PRSS27: variants seen among roughly 807,000 people sequenced by gnomAD.
PRSS27 encodes channel-activating protease 2.
A neutral mutation model predicts 32.0 loss-of-function variants in PRSS27; 25 were observed. That is an observed-to-expected ratio of 0.78 (90% CI 0.57 to 1.09). The LOEUF (loss-of-function observed/expected upper bound fraction) is 1.09, where lower values mean the gene tolerates loss of function less well. Ranked by LOEUF, PRSS27 falls within the 50% of genes least tolerant of loss-of-function variation. PRSS27 has a pLI of 0.00. For synonymous variants in PRSS27, 178 were observed against 172.2 expected (o/e 1.03, Z -0.26); for missense variants, 401 against 394.9 (o/e 1.02, Z -0.13).
intron 5 of PRSS27, 145 bp downstream of exon 5, chr16:2,713,384 C>A (rs775721285): frequency 3.3e-5 from 29 of 875,144 alleles, no homozygotes; most frequent in Non-Finnish European, 5.1e-5. Context: ...AGGCGTGAGC[C>A]ACCACACCCG....
In PRSS27 at chr16:2,713,547, G is replaced by T; in HGVS notation, c.660C>A (p.Gly220=). ...CTCCCACCTTGCAGGCATCCTTCTT[G>T]CCCTCCTCGAAGCCGGCGCACAGCA... is the stretch of plus-strand genomic sequence containing the variant. The part of the protein sequence containing the change: ...NDMLCAGFEE[G]KKDACKGDSG... The change falls in exon 5 of 6, where the codon GGC becomes GGA. Residue 220 remains glycine (G), a synonymous_variant. Transcript: ENST00000302641. 6.2e-7 allele frequency: 1 copy of T among 1,614,206 alleles called. No individual in the cohort carries two copies. Among genetic ancestry groups the T allele is most frequent in the Non-Finnish European group, 8.5e-7 (1 of 1,180,040 alleles).
chr16:2,715,709 C>G lies in PRSS27; in HGVS notation c.236+9G>C, dbSNP rs912319884. On this transcript the variant is annotated intron_variant, in intron 3 of 5. Coordinates refer to ENST00000302641, the MANE Select transcript of PRSS27 (RefSeq NM_031948.5). ...CGCTATGGGCGGGGGCAGGGGCGGG[C>G]GGACTCACTTGCGGAAGCAGTGCGC... The G allele has an allele frequency of 6.6e-7, 1 of 1,516,594 alleles. No homozygotes were observed. The highest frequency in any genetic ancestry group is 1.3e-5 in the South Asian group (1 of 78,546). The allele number at this position is 1,516,594 out of a possible 1,614,324, so 93.9% of individuals were successfully genotyped here. A position where few individuals can be genotyped will look rare whatever the true frequency, so the allele number is the denominator to read the frequency against.
intron 1 of PRSS27, among the ~76,000 whole-genome samples, chr16:2,719,297 A>C (rs1315898334): frequency 6.6e-6 from 1 of 152,056 alleles, no homozygotes; most frequent in Non-Finnish European, 1.5e-5. Context: ...CGGGCCACTG[A>C]GGGGCCACTG....
In PRSS27 at chr16:2,716,869, C is replaced by T. The variant is rs2067705435; in HGVS notation, c.47-343G>A. The T allele has an allele frequency of 2.0e-5, 7 of 357,728 alleles. No individual in the cohort carries two copies. The East Asian group carries it at 3.2e-4, about 17-fold the overall frequency. 22.2% of individuals were successfully genotyped at this position (357,728 alleles called of 1,614,324 possible). A position where few individuals can be genotyped will look rare whatever the true frequency, so the allele number is the denominator to read the frequency against. ...TCTCCCTCCACACTCCACACCCATC[C>T]TTGTCTGGAAGTTTCTGGGGAGGGT... On this transcript the variant is annotated intron_variant, in intron 1 of 5. Coordinates refer to ENST00000302641, the MANE Select transcript of PRSS27 (RefSeq NM_031948.5).
At chr16:2,715,685 G>A (rs558741535) in intron 3 of PRSS27, 33 bp downstream of exon 3, 24 of 1,535,464 alleles carry the variant, frequency 1.6e-5, no homozygotes, top group Non-Finnish European at 2.1e-5. Context: ...CGCTGTCAGC[G>A]CTATGGGCGG....
In PRSS27 at chr16:2,712,744, C is replaced by T. The variant is rs1279114124; in HGVS notation, c.749G>A (p.Gly250Asp). The T allele has an allele frequency of 1.9e-6, 3 of 1,588,942 alleles. No individual in the cohort carries two copies. The African/African-American group carries it at 4.0e-5, about 21-fold the overall frequency. The change falls in exon 6 of 6, where the codon GGT (glycine) becomes GAT (aspartate). Residue 250 changes from glycine (G) to aspartate (D), a missense_variant. Transcript: ENST00000302641. The surrounding 1 kb of genome is among the most constrained non-coding windows in gnomAD (Gnocchi z 4.6). ...SWLQAGVISWGEGCARQNRPG... is the reference protein window; with the variant it reads ...SWLQAGVISWDEGCARQNRPG... ...GCGGTTCTGGCGGGCACAGCCCTCA[C>T]CCCAGCTGATCACCCCCGCCTGCAG...
At position 2,714,474 on chromosome 16, in the gene PRSS27, A is replaced by C; in HGVS notation, c.237-138T>G. 1.0e-6 allele frequency: 1 copy of C among 963,538 alleles called. No homozygotes were observed. Among genetic ancestry groups the C allele is most frequent in the Admixed American group, 2.2e-5 (1 of 44,918 alleles). The allele number at this position is 963,538 out of a possible 1,614,324, so 59.7% of individuals were successfully genotyped here. ...TGTCTTCGAGAGTCATCTCTAGGAC[A>C]GCCAGGTGCAGCGGTGATGCGTGTT... On this transcript the variant is annotated intron_variant, in intron 3 of 5. Transcript: ENST00000302641. The surrounding 1 kb of genome is among the most constrained non-coding windows in gnomAD (Gnocchi z 4.7).
At position 2,712,735 on chromosome 16, in the gene PRSS27, C is replaced by G; in HGVS notation, c.758G>C (p.Cys253Ser). ...QAGVISWGEG[C>S]ARQNRPGVYI... ...GACACCTGGGCGGTTCTGGCGGGCA[C>G]AGCCCTCACCCCAGCTGATCACCCC... Residue 253 changes from cysteine to serine, a missense_variant, in exon 6 of 6, where the codon TGT becomes TCT. Physicochemically the swap from Cys to Ser is moderately radical, Grantham distance 112 (BLOSUM62 -1). Transcript: ENST00000302641. The surrounding 1 kb of genome is among the most constrained non-coding windows in gnomAD (Gnocchi z 4.6). The G allele has an allele frequency of 6.3e-7, 1 of 1,587,994 alleles. No homozygotes were observed. The highest frequency in any genetic ancestry group is 8.6e-7 in the Non-Finnish European group (1 of 1,167,202).
chr16:2,720,058 T>C, intron 1 of PRSS27, 57 bp downstream of exon 1: 1 of 1,463,406 alleles, frequency 6.8e-7, no homozygotes. Context: ...CCCCAGGCAG[T>C]GCAGCGGAGC....
intron 4 of PRSS27, 39 bp from the exon 5 acceptor site, chr16:2,713,737 C>T: frequency 6.2e-7 from 1 of 1,605,472 alleles, no homozygotes; most frequent in Non-Finnish European, 8.5e-7. Context: ...CAACGGACTT[C>T]CTCATCAAGA....
intron 1 of PRSS27, chr16:2,716,801 G>A (rs1476344071): frequency 3.8e-6 from 2 of 524,560 alleles, no homozygotes; most frequent in Non-Finnish European, 6.9e-6. Context: ...CCAGTGAAGG[G>A]ATCCCCAGGC....
chr16:2,715,766 C>G lies in PRSS27; in HGVS notation c.188G>C (p.Ser63Thr). 3 of 1,589,964 alleles carry G rather than the reference C, an allele frequency of 1.9e-6. No individual in the cohort carries two copies. The highest frequency in any genetic ancestry group is 1.7e-6 in the Non-Finnish European group (2 of 1,171,704). ...CAGGACCCACTGCTCCGCGATGAGG[C>G]TGCCCCCGCAGAAGTGGCTTCCGTT... ...QRNGSHFCGG[S>T]LIAEQWVLTA... The change falls in exon 3 of 6, where the codon AGC becomes ACC. Residue 63 changes from serine to threonine, a missense_variant. Transcript: ENST00000302641.
Position 2,716,487 on chromosome 16 carries a change from C to T in PRSS27, c.73+13G>A, listed in dbSNP as rs2067703177. 1.2e-6 allele frequency: 2 copies of T among 1,604,018 alleles called. No individual in the cohort carries two copies. The highest frequency in any genetic ancestry group is 1.7e-6 in the Non-Finnish European group (2 of 1,176,986). On this transcript the variant is annotated intron_variant, in intron 2 of 5. Coordinates refer to ENST00000302641, the MANE Select transcript of PRSS27 (RefSeq NM_031948.5). ...GCTCCTGTCCCTCCCACCCCAGGGCCCTGGGTGCTTACCTGTTGCTGCCTT... is the reference window on the plus strand; with the variant it reads ...GCTCCTGTCCCTCCCACCCCAGGGCTCTGGGTGCTTACCTGTTGCTGCCTT...
rs758206252 is a variant in PRSS27 at position 2,714,308 on chromosome 16, G to A, written c.265C>T (p.Leu89=). The A allele has an allele frequency of 6.2e-7, 1 of 1,613,154 alleles. No homozygotes were observed. The highest frequency in any genetic ancestry group is 8.5e-7 in the Non-Finnish European group (1 of 1,180,016). The change falls in exon 4 of 6, where the codon CTG becomes TTG. Residue 89 remains leucine (L), a synonymous_variant. Coordinates refer to ENST00000302641, the MANE Select transcript of PRSS27 (RefSeq NM_031948.5). The surrounding 1 kb of genome is among the most constrained non-coding windows in gnomAD (Gnocchi z 4.7). ...TGCACTAGCTGCCTTGCCCCCAGCA[G>A]GACCTGGTACAGGGACGTCTCAGAG... ...NTSETSLYQV[L]LGARQLVQPG...
chr16:2,713,345 T>A (rs557018266), intron 5 of PRSS27, 184 bp downstream of exon 5: 34 of 657,612 alleles, frequency 5.2e-5, no homozygotes, highest in East Asian at 8.6e-5. Context: ...TGATCCACCC[T>A]CCTTGGCCTC....
intron 1 of PRSS27, chr16:2,718,622 C>T (rs2067717041): frequency 1.3e-5 from 2 of 152,246 alleles, no homozygotes; most frequent in Middle Eastern, 3.2e-3. Flanking sequence ...CAGCCAAGTC[C>T]TAATCGTGAT....
At chr16:2,719,691 G>A (rs898388491) in intron 1 of PRSS27, among the ~76,000 whole-genome samples, 1 of 151,970 alleles carries the variant, frequency 6.6e-6, no homozygotes, top group Non-Finnish European at 1.5e-5. Flanking sequence ...CCCTCGGCTC[G>A]GCCACCCTCC....
chr16:2,719,986 G>A (rs2067725146), intron 1 of PRSS27, 129 bp downstream of exon 1: 1 of 855,224 alleles, frequency 1.2e-6, no homozygotes, highest in Admixed American at 2.5e-5. Flanking sequence ...TCAGGGGCAG[G>A]AGGGATGATG....
chr16:2,719,907 C>T (rs1009273500), intron 1 of PRSS27, among the ~76,000 whole-genome samples: 1 of 152,120 alleles, frequency 6.6e-6, no homozygotes, highest in Non-Finnish European at 1.5e-5. Flanking sequence ...GGGGCCTGTG[C>T]GCACACCTCC....
Sources: gnomAD v4.1 joint callset for allele counts (sites outside exome capture counted in the v4.1 genomes callset) on GRCh38, gnomAD v4.1.1 for gene constraint, Gnocchi (gnomAD v3.1) non-coding constraint, MANE v1.5 for transcripts, NCBI Gene and HGNC (gene_info 2026-07-23, HGNC 2026-07-21) for gene names.